Variants in CNTN4 observed in about 807,000 individuals in gnomAD.
The protein encoded by CNTN4 is contactin-4.
CNTN4 carries 77 observed loss-of-function variants against 122.5 expected under a neutral mutation model. The ratio of observed to expected loss-of-function variants is 0.63; its 90% CI spans 0.52 to 0.76. CNTN4 has a LOEUF of 0.76. CNTN4 is among the 30% of genes least tolerant of loss of function. The pLI, the probability that CNTN4 is intolerant of heterozygous loss-of-function variation, is 0.00. For synonymous variants in CNTN4, 512 were observed against 447.0 expected, an observed-to-expected ratio of 1.15 and a Z score of -1.83; for missense variants, 1,256 against 1,259.1, an observed-to-expected ratio of 1.00 and a Z score of 0.04.
chr3:2,967,849 C>CTT (rs796772751), intron 13 of CNTN4, among the ~76,000 whole-genome samples: 143 of 108,868 alleles, frequency 1.3e-3, no homozygotes, highest in African/African-American at 4.4e-3. Flanking sequence ...GTTTTGTTTG[C>CTT]TTTTTTTTTT....
chr3:2,931,903 C>G (rs984610100), intron 13 of CNTN4, among the ~76,000 whole-genome samples: 2 of 152,158 alleles, frequency 1.3e-5, no homozygotes, highest in Non-Finnish European at 2.9e-5. Context: ...CTGTCTCAGC[C>G]TCCCAAAGTG....
intron 2 of CNTN4, among the ~76,000 whole-genome samples, chr3:2,270,432 C>T (rs555706384): frequency 2.0e-5 from 3 of 149,520 alleles, no homozygotes; most frequent in Admixed American, 6.7e-5. Flanking sequence ...TGAGGTTGTT[C>T]TTAGACAGTT....
intron 3 of CNTN4, among the ~76,000 whole-genome samples, chr3:2,535,881 A>G: frequency 6.6e-6 from 1 of 152,106 alleles, no homozygotes; most frequent in Admixed American, 6.6e-5. Flanking sequence ...GTCTCTGTGA[A>G]AGGGCTAATC....
At chr3:2,364,476 A>G (rs758727015) in intron 3 of CNTN4, among the ~76,000 whole-genome samples, 2 of 152,124 alleles carry the variant, frequency 1.3e-5, no homozygotes, top group African/African-American at 2.4e-5. Flanking sequence ...AGTGTTGACA[A>G]TAGAATTTCC....
chr3:2,878,553 C>CTGTGTGTGTGTGTGTGTGTGTG lies in CNTN4; in HGVS notation c.653-4576_653-4555dup, dbSNP rs60925207. Among the ~76,000 whole-genome samples, 30 of 146,950 alleles carry CTGTGTGTGTGTGTGTGTGTGTG rather than the reference C, an allele frequency of 2.0e-4. 1 individual carries two copies. Among genetic ancestry groups the CTGTGTGTGTGTGTGTGTGTGTG allele is most frequent in the Non-Finnish European group, 3.0e-4 (20 of 66,646 alleles). The stretch of plus-strand genomic sequence containing the variant: ...AAGAGAACAACAGAAGAGATGCTCT[C>CTGTGTGTGTGTGTGTGTGTGTG]TGTGTGTGTGTGTGTGTGTGTGTGT... On this transcript the variant is annotated intron_variant, in intron 8 of 24. Coordinates refer to ENST00000418658, the MANE Select transcript of CNTN4 (RefSeq NM_175607.3).
chr3:2,180,839 A>G (rs117895813), intron 2 of CNTN4, among the ~76,000 whole-genome samples: 1 of 152,246 alleles, frequency 6.6e-6, no homozygotes, highest in East Asian at 1.9e-4. Context: ...GGATTGAAGA[A>G]TCACATGCCA....
chr3:2,233,607 T>C (rs1324319286), intron 2 of CNTN4, among the ~76,000 whole-genome samples: 2 of 152,148 alleles, frequency 1.3e-5, no homozygotes, highest in African/African-American at 4.8e-5. Flanking sequence ...CTGTTGAGAA[T>C]CTTCAGACCG....
At chr3:3,029,357 C>T (rs897682084) in intron 15 of CNTN4, among the ~76,000 whole-genome samples, 4 of 152,114 alleles carry the variant, frequency 2.6e-5, no homozygotes, top group Non-Finnish European at 1.5e-5. Context: ...TTGATTTTCA[C>T]AACCTAGCAT....
intron 7 of CNTN4, among the ~76,000 whole-genome samples, chr3:2,855,998 T>G (rs71311726): frequency 0.023 from 3,494 of 152,278 alleles, 64 homozygotes; most frequent in Non-Finnish European, 0.033. Flanking sequence ...CCATTAATGG[T>G]CTGATGAAAG....
intron 3 of CNTN4, among the ~76,000 whole-genome samples, chr3:2,365,229 A>G (rs77123404): frequency 0.023 from 3,534 of 152,158 alleles, 143 homozygotes; most frequent in African/African-American, 0.08. Flanking sequence ...TCAGCCTGAC[A>G]GTTTCTTTCA....
chr3:2,857,133 C>G (rs932261914), intron 7 of CNTN4, among the ~76,000 whole-genome samples: 2 of 152,192 alleles, frequency 1.3e-5, no homozygotes, highest in Non-Finnish European at 2.9e-5. Flanking sequence ...AACCTGGGAT[C>G]AAACCACAGG....
At chr3:2,328,271 T>C (rs2043547245) in intron 2 of CNTN4, among the ~76,000 whole-genome samples, 1 of 149,778 alleles carries the variant, frequency 6.7e-6, no homozygotes, top group Non-Finnish European at 1.5e-5. Context: ...CCGGGCGTGG[T>C]GGCGGGCGCC....
chr3:2,633,795 C>T (rs945023972), intron 4 of CNTN4, among the ~76,000 whole-genome samples: 16 of 152,124 alleles, frequency 1.1e-4, no homozygotes, highest in Admixed American at 8.5e-4. Flanking sequence ...AAATCTACCT[C>T]CTGTTAAGAA....
chr3:2,830,763 AT>A (rs925288868), intron 7 of CNTN4, among the ~76,000 whole-genome samples: 2 of 152,104 alleles, frequency 1.3e-5, no homozygotes, highest in Non-Finnish European at 2.9e-5. Flanking sequence ...TGTGAATCTC[AT>A]TTTTTCAGCT....
chr3:2,840,023 G>A (rs897602669), intron 7 of CNTN4, among the ~76,000 whole-genome samples: 1 of 152,148 alleles, frequency 6.6e-6, no homozygotes, highest in African/African-American at 2.4e-5. Context: ...CAAGATCTCT[G>A]GTGACGTTCC....
intron 13 of CNTN4, chr3:2,927,292 A>G (rs765572200): frequency 1.1e-5 from 5 of 455,932 alleles, no homozygotes; most frequent in East Asian, 7.0e-5. Flanking sequence ...TCTCTTTTGC[A>G]CCTAGTGTAC....
intron 3 of CNTN4, among the ~76,000 whole-genome samples, chr3:2,560,693 T>C (rs1048945352): frequency 1.3e-5 from 2 of 152,230 alleles, no homozygotes; most frequent in African/African-American, 4.8e-5. Context: ...ATTTATGTTC[T>C]TGACTGATAC....
At chr3:2,202,141 A>C (rs2038128095) in intron 2 of CNTN4, among the ~76,000 whole-genome samples, 1 of 152,074 alleles carries the variant, frequency 6.6e-6, no homozygotes, top group Non-Finnish European at 1.5e-5. Context: ...CCCACCACCA[A>C]AGAATTGCTG....
chr3:2,628,790 CGTAACCAAAAAA>C (rs2082304825), intron 4 of CNTN4, among the ~76,000 whole-genome samples: 1 of 152,106 alleles, frequency 6.6e-6, no homozygotes, highest in Admixed American at 6.6e-5. Context: ...CAGAACTGGA[CGTAACCAAAAAA>C]GTGGTTTTTA....
Sources: allele counts gnomAD v4.1 joint callset (sites outside exome capture counted in the v4.1 genomes callset), GRCh38; gene constraint gnomAD v4.1.1; transcripts MANE v1.5; gene names NCBI Gene and HGNC (gene_info 2026-07-23, HGNC 2026-07-21).